Variants in PORCN observed in about 807,000 individuals in gnomAD.
The protein encoded by PORCN is protein-serine O-palmitoleoyltransferase porcupine.
A neutral mutation model predicts 43.0 loss-of-function variants in PORCN; 1 was observed. That is an observed-to-expected ratio of 0.02 (90% CI 0.01 to 0.11). The LOEUF (loss-of-function observed/expected upper bound fraction) is 0.11, where lower values mean the gene tolerates loss of function less well. Among genes scored for constraint, PORCN ranks in the 10% least tolerant of loss-of-function variants. The pLI, the probability that PORCN is intolerant of heterozygous loss-of-function variation, is 1.00. For synonymous variants in PORCN, 148 were observed against 166.4 expected (o/e 0.89, Z 0.85); for missense variants, 240 against 392.1 (o/e 0.61, Z 3.28).
chrX:48,516,159 C>A lies in PORCN; in HGVS notation c.1173+13C>A. ...CCAGCATCGCTTGGTGAGGGTTCAG[C>A]CTGGGCAACCTTGTGCCCAACACTC... On this transcript the variant is annotated intron_variant, in intron 13 of 14. Coordinates refer to ENST00000326194, the MANE Select transcript of PORCN (RefSeq NM_203475.3). 1 of 1,196,688 alleles carries A rather than the reference C, an allele frequency of 8.4e-7. No homozygotes were observed. Among genetic ancestry groups the A allele is most frequent in the Non-Finnish European group, 1.1e-6 (1 of 882,264 alleles).
rs183273579 is a variant in PORCN, at chrX:48,520,510, A to T, written c.*34A>T. 145 of 1,089,292 alleles carry T rather than the reference A, an allele frequency of 1.3e-4. 1 individual carries two copies. The African/African-American group carries it at 2.6e-3, about 20-fold the overall frequency. 89.8% of individuals were successfully genotyped at this position (1,089,292 alleles called of 1,213,427 possible). A position where few individuals can be genotyped will look rare whatever the true frequency, so the allele number is the denominator to read the frequency against. On this transcript the variant is annotated 3_prime_UTR_variant, in exon 15 of 15. Transcript: ENST00000326194. ...TGTGGACCCTCATAACCCTCTTAAG[A>T]CCCCTCTCAGGGTGCCACTGATGGG...
rs781890070 is a variant in PORCN, at chrX:48,516,073, G to A, written c.1100G>A (p.Arg367His). 11 of 1,211,559 alleles carry A rather than the reference G, an allele frequency of 9.1e-6. No homozygotes were observed. The highest frequency in any genetic ancestry group is 7.0e-5 in the South Asian group (4 of 56,963). Residue 367 changes from arginine to histidine, a missense_variant, in exon 13 of 15, where the codon CGC becomes CAC. Coordinates refer to ENST00000326194, the MANE Select transcript of PORCN (RefSeq NM_203475.3). ...ITYVEHVLRKRLARILSACVL... is the reference protein window; with the variant it reads ...ITYVEHVLRKHLARILSACVL... The stretch of plus-strand genomic sequence containing the variant: ...CCCACCACCCTAGTCCTCCGGAAGC[G>A]CCTGGCTCGGATCCTCAGTGCCTGT...
Position 48,511,297 on chromosome X carries a change from T to C in PORCN, c.139T>C (p.Leu47=). ...LACRLLWRLG[L]PSYLKHASTV... is the part of the protein sequence containing the mutation. ...TTCTTTCTCCCTTTCACCCAAAGGGTTGCCATCCTACCTGAAGCATGCAAG... is the reference window on the plus strand; with the variant it reads ...TTCTTTCTCCCTTTCACCCAAAGGGCTGCCATCCTACCTGAAGCATGCAAG... Residue 47 remains leucine (L), a splice_region_variant and synonymous_variant, in exon 3 of 15, where the codon TTG becomes CTG. Transcript: ENST00000326194. The C allele has an allele frequency of 8.3e-7, 1 of 1,204,940 alleles. No homozygotes were observed. Among genetic ancestry groups the C allele is most frequent in the East Asian group, 3.0e-5 (1 of 33,468 alleles).
At chrX:48,520,349 G>A in intron 14 of PORCN, 26 bp from the exon 15 acceptor site, 1 of 1,131,967 alleles carries the variant, frequency 8.8e-7, no homozygotes, top group Non-Finnish European at 1.2e-6. Context: ...TGCTAAGTGG[G>A]ACCATCACCT....
chrX:48,520,808 AT>A (rs1231096934), downstream of PORCN: 2 of 298,085 alleles, frequency 6.7e-6, no homozygotes, highest in African/African-American at 5.4e-5. Flanking sequence ...GAAATATTCA[AT>A]AGGCTTCTTC....
chrX:48,516,202 TTCTATC>T lies in PORCN; in HGVS notation c.1173+64_1173+69del. The T allele has an allele frequency of 5.5e-6, 6 of 1,084,770 alleles. No individual in the cohort carries two copies. In the Middle Eastern group the frequency reaches 7.3e-4, roughly 133 times the overall value. The allele number at this position is 1,084,770 out of a possible 1,213,427, so 89.4% of individuals were successfully genotyped here. On this transcript the variant is annotated intron_variant, in intron 13 of 14. Transcript: ENST00000326194. ...CAACACTCCCTGTCAAAAATGTTCC[TTCTATC>T]TCTATCTTGTATGTGTCTCAGGGTG...
intron 13 of PORCN, chrX:48,516,376 C>T: frequency 2.2e-6 from 1 of 449,422 alleles, no homozygotes. Context: ...CCGTTGAGTG[C>T]CTGTTGGTGC....
At chrX:48,514,185 G>A in intron 8 of PORCN, 44 bp downstream of exon 8, 1 of 1,212,011 alleles carries the variant, frequency 8.3e-7, no homozygotes, top group Non-Finnish European at 1.1e-6. Context: ...ATGTGGTGGG[G>A]TATCATGTTG....
Position 48,514,269 on chromosome X carries a change from C to G in PORCN, c.749C>G (p.Ser250Cys), listed in dbSNP as rs782285872. The G allele has an allele frequency of 2.8e-5, 34 of 1,212,013 alleles. No individual in the cohort carries two copies. The highest frequency in any genetic ancestry group is 3.8e-5 in the Non-Finnish European group (34 of 895,507). Residue 250 changes from serine (S) to cysteine (C), a missense_variant, in exon 9 of 15, where the codon TCC becomes TGC. Coordinates refer to ENST00000326194, the MANE Select transcript of PORCN (RefSeq NM_203475.3). Reference protein sequence around the residue: ...RWLRAYESAVSFHFSNYFVGF... With the variant: ...RWLRAYESAVCFHFSNYFVGF... Reference sequence around the variant, plus strand: ...CTGCGAGCCTACGAGAGTGCTGTCTCCTTCCACTTCAGCAACTATTTTGTG... The same window carrying G: ...CTGCGAGCCTACGAGAGTGCTGTCTGCTTCCACTTCAGCAACTATTTTGTG...
rs375162701 is a variant in PORCN, at chrX:48,520,418, G to C, written c.1328G>C (p.Ser443Thr). ...AYTVHKWSELSWASHWVTFGC... is the reference protein window; with the variant it reads ...AYTVHKWSELTWASHWVTFGC... ...ACTGTCCACAAGTGGTCAGAGCTCA[G>C]CTGGGCCAGTCACTGGGTCACTTTT... The change falls in exon 15 of 15, where the codon AGC becomes ACC. Residue 443 changes from serine to threonine, a missense_variant. Ser to Thr is a moderately conservative substitution (Grantham distance 58). Transcript: ENST00000326194. 4 of 1,208,758 alleles carry C rather than the reference G, an allele frequency of 3.3e-6. No individual in the cohort carries two copies. Among genetic ancestry groups the C allele is most frequent in the Non-Finnish European group, 4.5e-6 (4 of 894,473 alleles).
intron 14 of PORCN, 148 bp from the exon 15 acceptor site, chrX:48,520,227 A>G (rs1357867678): frequency 8.1e-6 from 4 of 496,541 alleles, no homozygotes; most frequent in Non-Finnish European, 1.4e-5. Context: ...GACAAAAACT[A>G]TATCTGGTCA....
intron 7 of PORCN, among the ~76,000 whole-genome samples, chrX:48,513,617 A>G (rs1488001287): frequency 8.9e-6 from 1 of 112,728 alleles, no homozygotes; most frequent in African/African-American, 3.2e-5. Context: ...GCAGCCAGGC[A>G]TGAATCCCAG....
chrX:48,512,719 A>G lies in PORCN; in HGVS notation c.686A>G (p.Asn229Ser). 2 of 1,212,202 alleles carry G rather than the reference A, an allele frequency of 1.6e-6. No homozygotes were observed. The highest frequency in any genetic ancestry group is 2.2e-6 in the Non-Finnish European group (2 of 895,565). The change falls in exon 6 of 15, where the codon AAC becomes AGC. Residue 229 changes from asparagine (N) to serine (S), a missense_variant and splice_region_variant. Transcript: ENST00000326194. ...IPLNGDRLLR[N>S]KKRKARGTMV... is the part of the protein sequence containing the mutation. The stretch of plus-strand genomic sequence containing the variant: ...CTCAACGGTGACCGCCTCCTTCGCA[A>G]GTGAGCACAGCCTTCGAGGCCCCTG...
Position 48,515,914 on chromosome X carries a change from G to C in PORCN, c.1048G>C (p.Val350Leu). 8.3e-7 allele frequency: 1 copy of C among 1,211,414 alleles called. No individual in the cohort carries two copies. ...LHGFSFHLAA[V>L]LLSLAFITYV... ...GGGCTTCAGTTTCCACCTGGCTGCG[G>C]TCCTGCTGTCCCTGGCTTTTATCAC... Residue 350 changes from valine (V) to leucine (L), a missense_variant, in exon 12 of 15, where the codon GTC (valine) becomes CTC (leucine). Transcript: ENST00000326194.
chrX:48,512,717 C>A lies in PORCN; in HGVS notation c.684C>A (p.Arg228=). 8.2e-7 allele frequency: 1 copy of A among 1,212,362 alleles called. No individual in the cohort carries two copies. Among genetic ancestry groups the A allele is most frequent in the Non-Finnish European group, 1.1e-6 (1 of 895,621 alleles). ...FIPLNGDRLL[R]NKKRKARGTM... ...CCCTCAACGGTGACCGCCTCCTTCG[C>A]AAGTGAGCACAGCCTTCGAGGCCCC... Residue 228 remains arginine (R), a splice_region_variant and synonymous_variant, in exon 6 of 15, where the codon CGC becomes CGA. Transcript: ENST00000326194.
In PORCN at chrX:48,514,273, C is replaced by T; in HGVS notation, c.753C>T (p.Phe251=). The T allele has an allele frequency of 5.0e-6, 6 of 1,212,005 alleles. No homozygotes were observed. Among genetic ancestry groups the T allele is most frequent in the Non-Finnish European group, 5.6e-6 (5 of 895,514 alleles). The change falls in exon 9 of 15, where the codon TTC becomes TTT. Residue 251 remains phenylalanine (F), a synonymous_variant. Transcript: ENST00000326194. ...WLRAYESAVS[F]HFSNYFVGFL... Reference sequence around the variant, plus strand: ...GAGCCTACGAGAGTGCTGTCTCCTTCCACTTCAGCAACTATTTTGTGGGCT... The same window carrying T: ...GAGCCTACGAGAGTGCTGTCTCCTTTCACTTCAGCAACTATTTTGTGGGCT...
At chrX:48,514,836 AT>A (rs1184111560) in intron 10 of PORCN, among the ~76,000 whole-genome samples, 1 of 111,618 alleles carries the variant, frequency 9.0e-6, no homozygotes, top group Non-Finnish European at 1.9e-5. Context: ...AAAAAAAAAA[AT>A]TTTTAAAAAA....
At chrX:48,512,278 G>A (rs1556974065) in intron 4 of PORCN, 48 bp from the exon 5 acceptor site, 1 of 1,190,144 alleles carries the variant, frequency 8.4e-7, no homozygotes, top group South Asian at 1.8e-5. Flanking sequence ...TCCTTGCCAT[G>A]CTGATCTGCT....
rs1569478238 is a variant in PORCN at position 48,514,134 on chromosome X, A to G, written c.712A>G (p.Met238Val). 8.3e-7 allele frequency: 1 copy of G among 1,211,529 alleles called. No individual in the cohort carries two copies. Among genetic ancestry groups the G allele is most frequent in the Non-Finnish European group, 1.1e-6 (1 of 895,321 alleles). Residue 238 changes from methionine (M) to valine (V), a missense_variant, in exon 8 of 15, where the codon ATG becomes GTG. Transcript: ENST00000326194. ...GACCCCTGGGGGCCCTAGGGGCACC[A>G]TGGTAAGGTGAGTCTACAGAGCGGG... is the stretch of plus-strand genomic sequence containing the variant. ...RNKKRKARGT[M>V]VRWLRAYESA...
Sources: gnomAD v4.1 joint callset for allele counts (sites outside exome capture counted in the v4.1 genomes callset) on GRCh38, gnomAD v4.1.1 for gene constraint, MANE v1.5 for transcripts, NCBI Gene and HGNC (gene_info 2026-07-23, HGNC 2026-07-21) for gene names.